The following ZNF487 variants were observed in gnomAD, a reference collection of about 807,000 sequenced individuals.
ZNF487 encodes the protein KRAB domain only 1.
Under a neutral mutation model 3.0 loss-of-function variants are expected in ZNF487, and 4 were observed. The observed-to-expected ratio is 1.35, with a 90% CI of 0.66 to 3.08. The LOEUF is 3.08. ZNF487 is among the 30% of genes most tolerant of loss of function. The pLI is 0.01. For synonymous variants in ZNF487, 55 were observed against 34.6 expected (o/e 1.59, Z -2.06); for missense variants, 146 against 98.7 (o/e 1.48, Z -2.03).
chr10:43,518,958 G>C, the ZNF487 span, among the ~76,000 whole-genome samples: 11 of 152,048 alleles, frequency 7.2e-5, no homozygotes, highest in African/African-American at 2.7e-4. Flanking sequence ...AAGCTAAAAA[G>C]TAAAATTATA....
chr10:43,468,162 A>T (rs1053209002), intron 1 of ZNF487, among the ~76,000 whole-genome samples: 8 of 152,304 alleles, frequency 5.3e-5, no homozygotes, highest in Admixed American at 5.2e-4. Flanking sequence ...ACAGATGAGG[A>T]GTTGCTTCTT....
chr10:43,467,100 C>A (rs900556245), intron 1 of ZNF487, among the ~76,000 whole-genome samples: 3 of 152,118 alleles, frequency 2.0e-5, no homozygotes, highest in African/African-American at 7.2e-5. Flanking sequence ...GTCTTGAACT[C>A]TTGTCCTCAA....
chr10:43,505,853 G>A, the ZNF487 span, among the ~76,000 whole-genome samples: 2 of 152,024 alleles, frequency 1.3e-5, no homozygotes, highest in African/African-American at 4.8e-5. Context: ...ATGTTGGCCA[G>A]GCTGGTCTTG....
chr10:43,504,446 A>C, the ZNF487 span, among the ~76,000 whole-genome samples: 4 of 151,568 alleles, frequency 2.6e-5, no homozygotes, highest in Non-Finnish European at 4.4e-5. Context: ...GGTGTCCGCC[A>C]CCACTCCTGG....
chr10:43,507,256 C>T, the ZNF487 span, among the ~76,000 whole-genome samples: 1 of 152,320 alleles, frequency 6.6e-6, no homozygotes. Context: ...CCATCACTGG[C>T]TACCTGGGGG....
At chr10:43,518,928 T>C in the ZNF487 span, among the ~76,000 whole-genome samples, 324 of 152,342 alleles carry the variant, frequency 2.1e-3, no homozygotes, top group Non-Finnish European at 3.4e-3. Flanking sequence ...GTTTTAATTC[T>C]AACTTTCTCA....
the ZNF487 span, among the ~76,000 whole-genome samples, chr10:43,495,176 C>T: frequency 1.3e-3 from 198 of 150,844 alleles, no homozygotes; most frequent in Non-Finnish European, 2.6e-3. Context: ...TTCTATTAAC[C>T]TGCCCTGTGT....
intron 1 of ZNF487, among the ~76,000 whole-genome samples, chr10:43,448,109 C>A (rs1839878318): frequency 6.6e-6 from 1 of 151,114 alleles, no homozygotes; most frequent in Middle Eastern, 3.5e-3. Flanking sequence ...CCTGCCTCAG[C>A]CTCCGGAGTA....
intron 1 of ZNF487, among the ~76,000 whole-genome samples, chr10:43,437,542 C>T (rs1260098692): frequency 6.6e-6 from 1 of 151,222 alleles, no homozygotes; most frequent in East Asian, 2.0e-4. Flanking sequence ...TGACCCTGGA[C>T]CTAGGAGGCA....
At chr10:43,437,010 G>A (rs1839408830), upstream of ZNF487, 3 of 386,242 alleles carry the variant, frequency 7.8e-6, no homozygotes, top group South Asian at 3.5e-5. Context: ...CCGAGCCCCC[G>A]CTAGGCACGC....
At chr10:43,455,364 A>G (rs1840146525) in intron 1 of ZNF487, among the ~76,000 whole-genome samples, 1 of 152,140 alleles carries the variant, frequency 6.6e-6, no homozygotes, top group Non-Finnish European at 1.5e-5. Flanking sequence ...TAAGTCTCAA[A>G]TTTTGAGAAG....
chr10:43,439,167 G>A (rs1476243626), intron 1 of ZNF487, among the ~76,000 whole-genome samples: 1 of 151,950 alleles, frequency 6.6e-6, no homozygotes, highest in Non-Finnish European at 1.5e-5. Flanking sequence ...GCTTGAATCC[G>A]GGAGGCCGAG....
chr10:43,466,425 T>G (rs941027093), intron 1 of ZNF487, among the ~76,000 whole-genome samples: 6 of 149,594 alleles, frequency 4.0e-5, no homozygotes, highest in African/African-American at 1.5e-4. Flanking sequence ...TTTTTTGAGA[T>G]GGAGTCTTGC....
intron 1 of ZNF487, among the ~76,000 whole-genome samples, chr10:43,459,947 G>C (rs983751857): frequency 6.6e-6 from 1 of 151,538 alleles, no homozygotes; most frequent in African/African-American, 2.4e-5. Flanking sequence ...GACTACAGGC[G>C]CCTGCCACCA....
At position 43,462,768 on chromosome 10, in the gene ZNF487, C is replaced by CT. The variant is rs1324371203; in HGVS notation, c.-93-12942dup. Among the ~76,000 whole-genome samples, 209 of 139,602 alleles carry CT rather than the reference C, an allele frequency of 1.5e-3. 2 individuals carry two copies. Among genetic ancestry groups the CT allele is most frequent in the Middle Eastern group, 3.7e-3 (1 of 270 alleles). 91.6% of individuals were successfully genotyped at this position (139,602 alleles called of 152,430 possible). On this transcript the variant is annotated intron_variant, in intron 1 of 3. Coordinates refer to ENST00000437590, the MANE Select transcript of ZNF487 (RefSeq NM_001355444.3). ...TGCATCCGGCCTTTTTTTTTTCTTT[C>CT]TTTTTTTTTTTATAAATAGAGATAG...
chr10:43,472,299 C>T (rs571265336), intron 1 of ZNF487, among the ~76,000 whole-genome samples: 57 of 152,268 alleles, frequency 3.7e-4, no homozygotes, highest in African/African-American at 1.3e-3. Flanking sequence ...TTTTCTCTCC[C>T]AAACCCACAA....
At chr10:43,464,476 A>C (rs1162118937) in intron 1 of ZNF487, among the ~76,000 whole-genome samples, 6 of 152,092 alleles carry the variant, frequency 3.9e-5, no homozygotes, top group Admixed American at 6.5e-5. Context: ...CAGATAAACA[A>C]GTGAACAAAG....
At chr10:43,478,743 A>G (rs1394046748) in intron 3 of ZNF487, among the ~76,000 whole-genome samples, 1 of 152,010 alleles carries the variant, frequency 6.6e-6, no homozygotes, top group African/African-American at 2.4e-5. Context: ...AAATCAAGCT[A>G]TATGGAGTTT....
chr10:43,457,231 G>C (rs910938997), intron 1 of ZNF487, among the ~76,000 whole-genome samples: 1 of 151,762 alleles, frequency 6.6e-6, no homozygotes, highest in Admixed American at 6.6e-5. Context: ...GGGTGACAGC[G>C]TGAGACTCCA....
Sources: gnomAD v4.1 joint callset for allele counts (sites outside exome capture counted in the v4.1 genomes callset) on GRCh38, gnomAD v4.1.1 for gene constraint, MANE v1.5 for transcripts, NCBI Gene and HGNC (gene_info 2026-07-23, HGNC 2026-07-21) for gene names.